Variants in HBS1L observed in about 807,000 individuals in gnomAD.
HBS1L encodes the protein HBS1 like translational GTPase.
In HBS1L, 55 loss-of-function variants were observed where a neutral mutation model predicts 88.9. The ratio of observed to expected loss-of-function variants is 0.62; its 90% CI spans 0.50 to 0.77. The LOEUF (loss-of-function observed/expected upper bound fraction) is 0.77. Ranked by LOEUF, HBS1L falls within the 30% of genes least tolerant of loss-of-function variation. The pLI is 0.00. For missense variants in HBS1L, 741 were observed against 829.3 expected (o/e 0.89, Z 1.31); for synonymous variants, 267 against 288.5 (o/e 0.93, Z 0.76).
At position 134,997,491 on chromosome 6, in the gene HBS1L, C is replaced by T. The variant is rs1775323731; in HGVS notation, c.705G>A (p.Val235=). 2.5e-6 allele frequency: 4 copies of T among 1,614,068 alleles called. No homozygotes were observed. Among genetic ancestry groups the T allele is most frequent in the Non-Finnish European group, 3.4e-6 (4 of 1,179,982 alleles). The part of the protein sequence containing the change: ...SEEQSSTPAP[V]KKSGKLRQQI... ...GCTGCCTCAGCTTGCCAGACTTTTT[C>T]ACCGGTGCTGGGGTTGAACTCTGCT... The change falls in exon 6 of 18, where the codon GTG becomes GTA. Residue 235 remains valine (V), a synonymous_variant. Transcript: ENST00000367837.
chr6:135,018,384 C>A (rs1775981566), intron 4 of HBS1L, among the ~76,000 whole-genome samples: 1 of 151,956 alleles, frequency 6.6e-6, no homozygotes, highest in African/African-American at 2.4e-5. Flanking sequence ...AAGCATCCAG[C>A]CTCCTATCAC....
chr6:135,013,531 C>T (rs1182824426), intron 4 of HBS1L, among the ~76,000 whole-genome samples: 1 of 152,168 alleles, frequency 6.6e-6, no homozygotes, highest in Admixed American at 6.5e-5. Flanking sequence ...ATAAGAGCCA[C>T]TGAAGGAATT....
At position 135,036,539 on chromosome 6, in the gene HBS1L, T is replaced by C. The variant is rs942044745; in HGVS notation, c.430+3034A>G. On this transcript the variant is annotated intron_variant, in intron 4 of 17. Coordinates refer to ENST00000367837, the MANE Select transcript of HBS1L (RefSeq NM_006620.4). ...AAAATAAAAAGCTCTACAACAGCAA[T>C]CAAGTTTTCCTTTTGTTACTATTCT... 10 of 1,444,126 alleles carry C rather than the reference T, an allele frequency of 6.9e-6. No homozygotes were observed. The African/African-American group carries it at 1.3e-4, about 19-fold the overall frequency. 89.5% of individuals were successfully genotyped at this position (1,444,126 alleles called of 1,614,324 possible).
chr6:134,991,961 A>C (rs775628620), intron 8 of HBS1L, among the ~76,000 whole-genome samples: 1 of 152,140 alleles, frequency 6.6e-6, no homozygotes, highest in East Asian at 1.9e-4. Context: ...CCAGCTACTC[A>C]GGAGGCTGGG....
At chr6:134,995,033 G>C (rs1273128242) in intron 7 of HBS1L, among the ~76,000 whole-genome samples, 1 of 152,082 alleles carries the variant, frequency 6.6e-6, no homozygotes, top group Non-Finnish European at 1.5e-5. Context: ...TAATCTGAAA[G>C]CATGGGCCAT....
chr6:134,992,738 T>A (rs933837629), intron 8 of HBS1L, among the ~76,000 whole-genome samples: 23 of 152,150 alleles, frequency 1.5e-4, no homozygotes, highest in Admixed American at 1.0e-3. Context: ...TTAAAAAAAA[T>A]TTAAATGTTT....
chr6:134,968,752 CAAA>C (rs34140771), intron 16 of HBS1L, among the ~76,000 whole-genome samples: 5 of 89,282 alleles, frequency 5.6e-5, no homozygotes, highest in Admixed American at 1.0e-4. Context: ...GGACTTTGAG[CAAA>C]AAAAAAAAAA....
chr6:134,993,720 T>C (rs776980620), intron 8 of HBS1L, 38 bp downstream of exon 8: 7 of 876,300 alleles, frequency 8.0e-6, no homozygotes, highest in Non-Finnish European at 1.2e-5. Context: ...TTATGTAAAG[T>C]ACAATCAGCA....
chr6:134,996,716 A>G, intron 7 of HBS1L, 61 bp downstream of exon 7: 1 of 1,207,914 alleles, frequency 8.3e-7, no homozygotes, highest in South Asian at 1.6e-5. Context: ...AACACATATT[A>G]CACACTTATT....
chr6:134,988,512 C>G (rs1045834445), intron 8 of HBS1L, among the ~76,000 whole-genome samples: 1 of 149,980 alleles, frequency 6.7e-6, no homozygotes, highest in African/African-American at 2.4e-5. Context: ...TACAAGCAAG[C>G]TATTTGCTAA....
intron 9 of HBS1L, 149 bp downstream of exon 9, chr6:134,987,496 A>G: frequency 5.9e-6 from 3 of 507,586 alleles, no homozygotes; most frequent in Non-Finnish European, 3.3e-6. Flanking sequence ...CTAACACCTC[A>G]TTTATTTAAG....
intron 8 of HBS1L, among the ~76,000 whole-genome samples, chr6:134,989,409 A>G (rs561431270): frequency 6.6e-6 from 1 of 152,190 alleles, no homozygotes; most frequent in Non-Finnish European, 1.5e-5. Flanking sequence ...CTATCTCTCC[A>G]GGGTCCTCTT....
chr6:135,018,939 C>A (rs1164877431), intron 4 of HBS1L, among the ~76,000 whole-genome samples: 1 of 151,832 alleles, frequency 6.6e-6, no homozygotes, highest in Admixed American at 6.6e-5. Flanking sequence ...CACATTAATT[C>A]TTCTGTCCTA....
intron 15 of HBS1L, among the ~76,000 whole-genome samples, chr6:134,973,797 C>CTGCCTG (rs901798345): frequency 6.6e-6 from 1 of 151,406 alleles, no homozygotes; most frequent in Non-Finnish European, 1.5e-5. Flanking sequence ...GATTGTGCCA[C>CTGCCTG]TGCACTCTAG....
At chr6:135,012,052 G>A (rs1013056506) in intron 4 of HBS1L, among the ~76,000 whole-genome samples, 7 of 151,972 alleles carry the variant, frequency 4.6e-5, no homozygotes, top group Admixed American at 4.6e-4. Flanking sequence ...ATGTTGCTAT[G>A]TACACCATAC....
In HBS1L at chr6:134,971,653, C is replaced by T. The variant is rs568225229; in HGVS notation, c.1798-2315G>A. Among the ~76,000 whole-genome samples the T allele has an allele frequency of 1.1e-3, 173 of 152,224 alleles. 1 individual carries two copies. The highest frequency in any genetic ancestry group is 5.8e-3 in the South Asian group (28 of 4,818). On this transcript the variant is annotated intron_variant, in intron 15 of 17. Transcript: ENST00000367837. ...AATAACAGAGGGAAGTGACTGCACACTATCTCAATATTTTAATTCATATTA... is the reference window on the plus strand; with the variant it reads ...AATAACAGAGGGAAGTGACTGCACATTATCTCAATATTTTAATTCATATTA...
chr6:134,997,046 G>C, intron 6 of HBS1L, 104 bp from the exon 7 acceptor site: 1 of 812,964 alleles, frequency 1.2e-6, no homozygotes, highest in Non-Finnish European at 1.9e-6. Flanking sequence ...GTGGTTTACA[G>C]TAATACCAGT....
At chr6:134,971,674 T>C (rs2114750251) in intron 15 of HBS1L, among the ~76,000 whole-genome samples, 1 of 152,330 alleles carries the variant, frequency 6.6e-6, no homozygotes, top group East Asian at 1.9e-4. Context: ...TTTTAATTCA[T>C]ATTATATATA....
intron 4 of HBS1L, 82 bp from the exon 5 acceptor site, chr6:135,002,924 A>C (rs1562290908): frequency 1.3e-6 from 1 of 774,596 alleles, no homozygotes. Context: ...TTTAAATTAT[A>C]GATTATGATA....
Sources: allele counts gnomAD v4.1 joint callset (sites outside exome capture counted in the v4.1 genomes callset), GRCh38; gene constraint gnomAD v4.1.1; transcripts MANE v1.5; gene names NCBI Gene and HGNC (gene_info 2026-07-23, HGNC 2026-07-21).